MAPK10: variants seen among roughly 807,000 people sequenced by gnomAD.
The protein encoded by MAPK10 is mitogen-activated protein kinase 10.
MAPK10 carries 25 observed loss-of-function variants against 59.3 expected under a neutral mutation model. The ratio of observed to expected loss-of-function variants is 0.42; its 90% CI spans 0.31 to 0.59. MAPK10 has a LOEUF of 0.59. MAPK10 is among the 20% of genes least tolerant of loss of function. MAPK10 has a pLI of 0.15. For synonymous variants in MAPK10, 190 were observed against 200.5 expected (o/e 0.95, Z 0.44); for missense variants, 351 against 568.9 (o/e 0.62, Z 3.90).
chr4:86,141,329 A>G (rs187578440), intron 4 of MAPK10, among the ~76,000 whole-genome samples: 132 of 152,332 alleles, frequency 8.7e-4, no homozygotes, highest in Middle Eastern at 3.4e-3. Context: ...AGCTACAGCA[A>G]ATGCCTCAAA....
At chr4:86,236,192 T>C (rs761626204) in intron 2 of MAPK10, among the ~76,000 whole-genome samples, 5 of 152,184 alleles carry the variant, frequency 3.3e-5, no homozygotes, top group African/African-American at 1.2e-4. Context: ...TGTGATTATA[T>C]TGGGCCCACT....
chr4:86,068,286 A>G (rs2047121877), intron 9 of MAPK10, among the ~76,000 whole-genome samples: 1 of 152,180 alleles, frequency 6.6e-6, no homozygotes, highest in South Asian at 2.1e-4. Flanking sequence ...TATATAAATC[A>G]TGTGATTCAG....
chr4:86,545,843 C>T (rs974436257), intron 1 of MAPK10, among the ~76,000 whole-genome samples: 3 of 152,220 alleles, frequency 2.0e-5, no homozygotes, highest in South Asian at 2.1e-4. Context: ...ATTAGCCATG[C>T]ATTACACATA....
At chr4:86,362,173 CAAATA>C (rs1049771280), upstream of MAPK10, among the ~76,000 whole-genome samples, 70 of 151,990 alleles carry the variant, frequency 4.6e-4, 1 homozygote, top group Non-Finnish European at 5.2e-4. Context: ...TTGTCAATTA[CAAATA>C]AAATAAAACA....
chr4:86,130,552 A>G (rs2149138095), intron 4 of MAPK10, among the ~76,000 whole-genome samples: 1 of 152,288 alleles, frequency 6.6e-6, no homozygotes, highest in Admixed American at 6.5e-5. Flanking sequence ...GACCAAATGA[A>G]ATGTGGTCTA....
chr4:86,380,308 C>G (rs1243828350), intron 1 of MAPK10, among the ~76,000 whole-genome samples: 1 of 152,186 alleles, frequency 6.6e-6, no homozygotes, highest in East Asian at 1.9e-4. Context: ...GGACTATGGT[C>G]TCCAGGTTTA....
At chr4:86,222,393 A>T (rs6810895) in intron 2 of MAPK10, among the ~76,000 whole-genome samples, 12,915 of 152,118 alleles carry the variant, frequency 0.085, 1,212 homozygotes, top group African/African-American at 0.23. Flanking sequence ...CCCTCTGCTA[A>T]AAGGAGCTTC....
At chr4:86,435,098 T>C (rs1158681623) in intron 1 of MAPK10, among the ~76,000 whole-genome samples, 1 of 151,914 alleles carries the variant, frequency 6.6e-6, no homozygotes, top group African/African-American at 2.4e-5. Flanking sequence ...CTCATGAAGA[T>C]AGAGAGTAGA....
At chr4:86,231,662 A>AAAAAAAG (rs560769811) in intron 2 of MAPK10, among the ~76,000 whole-genome samples, 1 of 152,094 alleles carries the variant, frequency 6.6e-6, no homozygotes, top group African/African-American at 2.4e-5. Flanking sequence ...ACTCTGTCTC[A>AAAAAAAG]AAAAAAGAAA....
chr4:86,579,877 G>A (rs191459281), intron 1 of MAPK10, among the ~76,000 whole-genome samples: 6 of 152,170 alleles, frequency 3.9e-5, no homozygotes, highest in Admixed American at 2.6e-4. Flanking sequence ...GCATTGGCAC[G>A]ATCACAGCTC....
intron 3 of MAPK10, among the ~76,000 whole-genome samples, chr4:86,190,401 TA>T (rs1283162158): frequency 2.6e-5 from 4 of 152,198 alleles, no homozygotes; most frequent in African/African-American, 9.6e-5. Context: ...GGTAGGCTAT[TA>T]ATTACTGCCT....
chr4:86,547,583 C>T (rs897851247), intron 1 of MAPK10, among the ~76,000 whole-genome samples: 10 of 152,186 alleles, frequency 6.6e-5, no homozygotes, highest in African/African-American at 2.4e-4. Context: ...CCTAAGAGCG[C>T]CGCCCCCTGC....
chr4:86,593,465 C>T (rs991163423), intron 1 of MAPK10, among the ~76,000 whole-genome samples: 4 of 152,162 alleles, frequency 2.6e-5, no homozygotes, highest in African/African-American at 9.7e-5. Context: ...TCAAATATTT[C>T]GGCTTGCAGC....
rs530399289 is a variant in MAPK10 at position 86,220,439 on chromosome 4, G to A, written c.-6-26032C>T. Among the ~76,000 whole-genome samples the A allele has an allele frequency of 2.0e-5, 3 of 152,348 alleles. No homozygotes were observed. The East Asian group carries it at 5.8e-4, about 29-fold the overall frequency. On this transcript the variant is annotated intron_variant, in intron 2 of 13. Transcript: ENST00000641462. ...TAATGTTGGAAAACATAAGACTAGT[G>A]TAGGAATAATATGGAGATTGGATGG...
intron 1 of MAPK10, among the ~76,000 whole-genome samples, chr4:86,473,234 G>A (rs529762475): frequency 3.0e-4 from 46 of 152,052 alleles, no homozygotes; most frequent in African/African-American, 1.1e-3. Flanking sequence ...AAAATATGTT[G>A]AAGCCACAAA....
intron 2 of MAPK10, among the ~76,000 whole-genome samples, chr4:86,265,473 C>A (rs1045632497): frequency 5.3e-5 from 8 of 150,626 alleles, no homozygotes; most frequent in African/African-American, 2.0e-4. Context: ...CATGCCACTG[C>A]ACTCCAGCTG....
At chr4:86,581,716 TTGG>T (rs921528949) in intron 1 of MAPK10, among the ~76,000 whole-genome samples, 1 of 148,108 alleles carries the variant, frequency 6.8e-6, no homozygotes, top group Non-Finnish European at 1.5e-5. Flanking sequence ...GTGTGTTATT[TTGG>T]TGAAGATGAA....
intron 9 of MAPK10, chr4:86,089,083 T>G (rs1295074616): frequency 8.7e-6 from 6 of 685,922 alleles, no homozygotes; most frequent in South Asian, 2.5e-5. Flanking sequence ...ATATTTGACA[T>G]TGAGTCTCAT....
intron 2 of MAPK10, among the ~76,000 whole-genome samples, chr4:86,267,223 A>G (rs575102733): frequency 3.9e-5 from 6 of 152,336 alleles, no homozygotes; most frequent in African/African-American, 1.4e-4. Context: ...TTTCCATTTG[A>G]TTATGGAAAA....
Sources: allele counts gnomAD v4.1 joint callset (sites outside exome capture counted in the v4.1 genomes callset), GRCh38; gene constraint gnomAD v4.1.1; transcripts MANE v1.5; gene names NCBI Gene and HGNC (gene_info 2026-07-23, HGNC 2026-07-21).